Variants in ZSCAN32 observed in about 807,000 individuals in gnomAD.
The protein encoded by ZSCAN32 is zinc finger and SCAN domain-containing protein 32.
ZSCAN32 carries 52 observed loss-of-function variants against 47.4 expected under a neutral mutation model. The ratio of observed to expected loss-of-function variants is 1.10; its 90% confidence interval spans 0.88 to 1.38. ZSCAN32 has a LOEUF of 1.38. Among genes scored for constraint, ZSCAN32 ranks in the 40% most tolerant of loss-of-function variants. The pLI is 0.00. For synonymous variants in ZSCAN32, 346 were observed against 305.7 expected (o/e 1.13, Z -1.38); for missense variants, 959 against 846.0 (o/e 1.13, Z -1.66).
At chr16:3,395,322 C>G (rs1421612880) in intron 2 of ZSCAN32, among the ~76,000 whole-genome samples, 1 of 152,184 alleles carries the variant, frequency 6.6e-6, no homozygotes, top group Non-Finnish European at 1.5e-5. Flanking sequence ...GGCTGTGTCC[C>G]CACCCAAATC....
At chr16:3,384,061 G>C (rs921969150) in intron 6 of ZSCAN32, 5 of 443,088 alleles carry the variant, frequency 1.1e-5, no homozygotes, top group African/African-American at 2.0e-5. Flanking sequence ...AATAACAAAA[G>C]GCAACCCTGG....
intron 6 of ZSCAN32, 172 bp from the exon 7 acceptor site, chr16:3,383,883 C>G (rs1175534489): frequency 3.7e-6 from 3 of 802,712 alleles, no homozygotes; most frequent in East Asian, 5.8e-5. Context: ...TTTTTGAGCT[C>G]CAAATTATTA....
chr16:3,399,544 T>A (rs13338212), intron 1 of ZSCAN32, among the ~76,000 whole-genome samples: 422 of 152,294 alleles, frequency 2.8e-3, no homozygotes, highest in African/African-American at 8.6e-3. Context: ...AATATTTTTT[T>A]AAGAGTTAAT....
intron 6 of ZSCAN32, 126 bp downstream of exon 6, chr16:3,384,333 G>A (rs2031661464): frequency 7.2e-7 from 1 of 1,384,256 alleles, no homozygotes; most frequent in Non-Finnish European, 9.9e-7. Flanking sequence ...CCAAAACTTG[G>A]ATAGGGTCAC....
At chr16:3,393,929 A>G (rs1596224618) in intron 2 of ZSCAN32, 115 bp from the exon 3 acceptor site, 1 of 887,352 alleles carries the variant, frequency 1.1e-6, no homozygotes, top group East Asian at 2.8e-5. Flanking sequence ...AGAAAAATCT[A>G]GGAGCCACTG....
chr16:3,397,887 T>C (rs2033528296), intron 1 of ZSCAN32, 143 bp from the exon 2 acceptor site: 1 of 210,528 alleles, frequency 4.7e-6, no homozygotes, highest in African/African-American at 2.3e-5. Context: ...ATCTAGACCA[T>C]CCTGGCTAAC....
At chr16:3,396,282 C>T (rs1036765399) in intron 2 of ZSCAN32, among the ~76,000 whole-genome samples, 2 of 152,100 alleles carry the variant, frequency 1.3e-5, no homozygotes, top group Non-Finnish European at 2.9e-5. Flanking sequence ...TCAAGCTGCT[C>T]TTCCCCTCTC....
At position 3,397,692 on chromosome 16, in the gene ZSCAN32, A is replaced by C; in HGVS notation, c.-135T>G. 3 of 1,186,352 alleles carry C rather than the reference A, an allele frequency of 2.5e-6. No homozygotes were observed. The highest frequency in any genetic ancestry group is 2.3e-6 in the Non-Finnish European group (2 of 873,710). 73.5% of individuals were successfully genotyped at this position (1,186,352 alleles called of 1,614,324 possible). On this transcript the variant is annotated 5_prime_UTR_variant, in exon 2 of 7. Coordinates refer to ENST00000396852, the MANE Select transcript of ZSCAN32 (RefSeq NM_001284527.2). ...GTAATCCGTGGGACATGAGAGTGTC[A>C]GACATGTGTAGAGACTCACAGCGGA...
chr16:3,394,523 G>A (rs1445829115), intron 2 of ZSCAN32, among the ~76,000 whole-genome samples: 2 of 152,028 alleles, frequency 1.3e-5, no homozygotes, highest in Non-Finnish European at 2.9e-5. Flanking sequence ...CAGGGTCCAG[G>A]ACACTATCTG....
At chr16:3,385,515 G>A (rs1431468876) in intron 5 of ZSCAN32, among the ~76,000 whole-genome samples, 2 of 152,132 alleles carry the variant, frequency 1.3e-5, no homozygotes, top group Non-Finnish European at 2.9e-5. Flanking sequence ...AACAAAGCTG[G>A]AGGCATCACG....
chr16:3,400,410 A>C (rs914103094), intron 1 of ZSCAN32, among the ~76,000 whole-genome samples: 4 of 152,180 alleles, frequency 2.6e-5, no homozygotes, highest in Middle Eastern at 3.4e-3. Flanking sequence ...AATTTAATAA[A>C]AGCTCTTCTA....
In ZSCAN32 at chr16:3,390,073, C is replaced by G. The variant is rs2032494819; in HGVS notation, c.688G>C (p.Gly230Arg). The change falls in exon 5 of 7, where the codon GGC (glycine) becomes CGC (arginine). Residue 230 changes from glycine to arginine, a missense_variant. Physicochemically the swap from Gly to Arg is moderately radical, Grantham distance 125 (BLOSUM62 -2). Coordinates refer to ENST00000396852, the MANE Select transcript of ZSCAN32 (RefSeq NM_001284527.2). ...CTGTAGAGGGCCCTTTGTGCAGGGC[C>G]TGGGCACATCCATTCTTGCTGACAG... is the stretch of plus-strand genomic sequence containing the variant. ...SLCQQEWMCP[G>R]PAQRALYRGA... is the part of the protein sequence containing the mutation. 1 of 1,613,950 alleles carries G rather than the reference C, an allele frequency of 6.2e-7. No homozygotes were observed. Among genetic ancestry groups the G allele is most frequent in the African/African-American group, 1.3e-5 (1 of 74,924 alleles).
At chr16:3,384,157 G>C (rs1209972341) in intron 6 of ZSCAN32, 4 of 544,490 alleles carry the variant, frequency 7.3e-6, no homozygotes, top group East Asian at 3.0e-5. Context: ...GGCCATGCTA[G>C]AGAAAAAGGG....
intron 3 of ZSCAN32, 64 bp downstream of exon 3, chr16:3,393,585 C>A (rs1342701688): frequency 2.8e-6 from 4 of 1,443,906 alleles, no homozygotes; most frequent in Non-Finnish European, 3.7e-6. Flanking sequence ...TCAGTTCAGA[C>A]CTTTGTTTCC....
In ZSCAN32 at chr16:3,383,209, A is replaced by G; in HGVS notation, c.1737T>C (p.Cys579=). ...GGTTGAAGCTTTTCCCACATTGCCC[A>G]CACTGATAGGGCCTCTCCCCTGTGT... is the stretch of plus-strand genomic sequence containing the variant. ...RTHTGERPYQ[C]GQCGKSFNQS... Residue 579 remains cysteine, a synonymous_variant, in exon 7 of 7, where the codon TGT becomes TGC. Transcript: ENST00000396852. 1 of 1,614,164 alleles carries G rather than the reference A, an allele frequency of 6.2e-7. No homozygotes were observed. Among genetic ancestry groups the G allele is most frequent in the Non-Finnish European group, 8.5e-7 (1 of 1,180,024 alleles).
chr16:3,382,642 T>C lies in ZSCAN32; in HGVS notation c.*210A>G. 1 of 548,952 alleles carries C rather than the reference T, an allele frequency of 1.8e-6. No homozygotes were observed. Among genetic ancestry groups the C allele is most frequent in the Non-Finnish European group, 2.9e-6 (1 of 349,588 alleles). The allele number at this position is 548,952 out of a possible 1,614,324, so 34.0% of individuals were successfully genotyped here. ...CTACAGCTTTCTCTCCATCAAACTTTAAGTCACAGTAAGATAGGACTCTGG... is the reference window on the plus strand; with the variant it reads ...CTACAGCTTTCTCTCCATCAAACTTCAAGTCACAGTAAGATAGGACTCTGG... On this transcript the variant is annotated 3_prime_UTR_variant, in exon 7 of 7. Coordinates refer to ENST00000396852, the MANE Select transcript of ZSCAN32 (RefSeq NM_001284527.2).
Position 3,382,985 on chromosome 16 carries a change from G to GT in ZSCAN32, c.1960dup (p.Thr654AsnfsTer5), listed in dbSNP as rs755965330. Reference sequence around the variant, plus strand: ...CCTGTAAGGCTTTTCACCAGTGTGGGTTTTTCGGTGGGCACTGAAGTGGGA... The same window carrying GT: ...CCTGTAAGGCTTTTCACCAGTGTGGGTTTTTTCGGTGGGCACTGAAGTGGGA... On this transcript the variant is annotated frameshift_variant, in exon 7 of 7. Coordinates refer to ENST00000396852, the MANE Select transcript of ZSCAN32 (RefSeq NM_001284527.2). LOFTEE classifies it low-confidence loss of function (END_TRUNC). 5 of 1,614,152 alleles carry GT rather than the reference G, an allele frequency of 3.1e-6. No homozygotes were observed. The highest frequency in any genetic ancestry group is 4.2e-6 in the Non-Finnish European group (5 of 1,180,006).
chr16:3,384,261 G>T, intron 6 of ZSCAN32, 198 bp downstream of exon 6: 1 of 683,190 alleles, frequency 1.5e-6, no homozygotes, highest in Non-Finnish European at 2.4e-6. Flanking sequence ...GTTGAAAGAG[G>T]TTGGCAAATG....
intron 2 of ZSCAN32, among the ~76,000 whole-genome samples, chr16:3,396,486 C>G (rs946136294): frequency 2.0e-5 from 3 of 152,160 alleles, no homozygotes; most frequent in Admixed American, 2.0e-4. Context: ...CTGCTCTGAT[C>G]ACAGACCCAC....
Sources: allele counts gnomAD v4.1 joint callset (sites outside exome capture counted in the v4.1 genomes callset), GRCh38; gene constraint gnomAD v4.1.1; transcripts MANE v1.5; gene names NCBI Gene and HGNC (gene_info 2026-07-23, HGNC 2026-07-21).